The following NHS variants were observed in gnomAD, a reference collection of about 807,000 sequenced individuals.
NHS encodes NHS actin remodeling regulator, also known as actin remodeling regulator NHS.
In NHS, 5 loss-of-function variants were observed where a neutral mutation model predicts 72.5. That is an observed-to-expected ratio of 0.07 (90% confidence interval 0.04 to 0.14). The LOEUF (loss-of-function observed/expected upper bound fraction) is 0.14, where lower values mean the gene tolerates loss of function less well. NHS is among the 10% of genes least tolerant of loss of function. The probability of loss-of-function intolerance (pLI) is 1.00; values close to 1 mark genes in which losing one functional copy is unlikely to be tolerated. For missense variants in NHS, 1,072 were observed against 1,355.7 expected, an observed-to-expected ratio of 0.79 and a Z score of 3.29; for synonymous variants, 464 against 547.7, an observed-to-expected ratio of 0.85 and a Z score of 2.13.
intron 1 of NHS, among the ~76,000 whole-genome samples, chrX:17,564,605 T>C (rs1020875755): frequency 8.9e-6 from 1 of 112,687 alleles, no homozygotes; most frequent in Non-Finnish European, 1.9e-5. Context: ...CCAACCAGGC[T>C]ATTTGTCTTA....
intron 1 of NHS, among the ~76,000 whole-genome samples, chrX:17,454,049 T>C (rs2064816567): frequency 1.8e-5 from 2 of 112,246 alleles, no homozygotes; most frequent in African/African-American, 6.5e-5. Flanking sequence ...GTCTGATTGT[T>C]AATCAGCCCC....
chrX:17,433,760 A>G, intron 1 of NHS, among the ~76,000 whole-genome samples: 1 of 112,237 alleles, frequency 8.9e-6, no homozygotes, highest in East Asian at 2.8e-4. Context: ...AAACAGGAAT[A>G]TGGAGTGGTT....
At chrX:17,605,942 T>C (rs928775763) in intron 1 of NHS, among the ~76,000 whole-genome samples, 1 of 112,007 alleles carries the variant, frequency 8.9e-6, no homozygotes, top group Non-Finnish European at 1.9e-5. Flanking sequence ...ATGACCCAAT[T>C]GTTAAATTGC....
intron 1 of NHS, among the ~76,000 whole-genome samples, chrX:17,491,548 C>T (rs1391213268): frequency 3.6e-5 from 4 of 111,042 alleles, no homozygotes; most frequent in Non-Finnish European, 5.7e-5. Context: ...ATTTTTGCAT[C>T]GATGTTCATC....
rs1052311421 is a variant in NHS, at chrX:17,690,768, A to G, written c.719-1567A>G. On this transcript the variant is annotated intron_variant, in intron 2 of 8. Transcript: ENST00000676302. ...GGGAGGGTTTTGTGGAGGATGTAGC[A>G]TCTACATGTATTTCAAGTTATTTAG... Among the ~76,000 whole-genome samples the G allele has an allele frequency of 9.5e-4, 106 of 111,846 alleles. No individual in the cohort carries two copies. In the Middle Eastern group the frequency reaches 0.014, roughly 14 times the overall value.
intron 3 of NHS, among the ~76,000 whole-genome samples, chrX:17,700,565 A>G (rs1347769151): frequency 1.8e-5 from 2 of 112,364 alleles, no homozygotes; most frequent in East Asian, 5.6e-4. Context: ...CTGGAGAAAC[A>G]AGCACTCTCA....
intron 1 of NHS, among the ~76,000 whole-genome samples, chrX:17,615,089 T>C (rs1328075487): frequency 1.0e-5 from 1 of 99,015 alleles, no homozygotes; most frequent in Non-Finnish European, 2.0e-5. Flanking sequence ...TATATATATG[T>C]GTGTATATAT....
At chrX:17,583,193 G>T (rs1198166079) in intron 1 of NHS, among the ~76,000 whole-genome samples, 1 of 111,938 alleles carries the variant, frequency 8.9e-6, no homozygotes, top group African/African-American at 3.3e-5. Flanking sequence ...AATTCTAGGT[G>T]CAGGAGATAC....
At position 17,733,033 on chromosome X, in the gene NHS, C is replaced by T. The variant is rs1340861985; in HGVS notation, c.*569C>T. On this transcript the variant is annotated 3_prime_UTR_variant, in exon 9 of 9. Coordinates refer to ENST00000676302, the MANE Select transcript of NHS (RefSeq NM_001291867.2). The stretch of plus-strand genomic sequence containing the variant: ...AATACACAAAAATAAAATGTAATAA[C>T]TGTATTCTGTGAATACCATTTTCAT... 2 of 116,980 alleles carry T rather than the reference C, an allele frequency of 1.7e-5. No homozygotes were observed. The highest frequency in any genetic ancestry group is 3.6e-5 in the Non-Finnish European group (2 of 55,610). 9.6% of individuals were successfully genotyped at this position (116,980 alleles called of 1,213,427 possible). A position where few individuals can be genotyped will look rare whatever the true frequency, so the allele number is the denominator to read the frequency against.
intron 1 of NHS, among the ~76,000 whole-genome samples, chrX:17,414,143 C>T (rs2064578517): frequency 8.9e-6 from 1 of 112,436 alleles, no homozygotes; most frequent in African/African-American, 3.2e-5. Flanking sequence ...GGAGGACTGG[C>T]CCAGACAATG....
chrX:17,543,483 C>T (rs2065274962), intron 1 of NHS, among the ~76,000 whole-genome samples: 1 of 112,009 alleles, frequency 8.9e-6, no homozygotes, highest in Admixed American at 9.5e-5. Context: ...GAAGTCAGAA[C>T]ATATTCCAGT....
rs202183497 is a variant in NHS at position 17,606,098 on chromosome X, C to T, written c.566-81644C>T. On this transcript the variant is annotated intron_variant, in intron 1 of 8. Transcript: ENST00000676302. ...GTTGTTTACAAGACATATTAGCTCC[C>T]GTGGGGTATGGGGCTTCTAAGCCAA... is the stretch of plus-strand genomic sequence containing the variant. Among the ~76,000 whole-genome samples, 8 of 112,016 alleles carry T rather than the reference C, an allele frequency of 7.1e-5. No individual in the cohort carries two copies. In the East Asian group the frequency reaches 1.1e-3, roughly 16 times the overall value.
In NHS at chrX:17,731,940, AGC is replaced by A. The variant is rs1220381758; in HGVS notation, c.4433_4434del (p.Ser1478LysfsTer12). ...SKSRAPLSSS[S>X]SSASSITSPS... ...ATCGAGAGCTCCCCTCAGCAGTAGC[AGC>A]AGCAGCGCCAGTTCCATCACTTCAC... On this transcript the variant is annotated frameshift_variant, in exon 9 of 9. Coordinates refer to ENST00000676302, the MANE Select transcript of NHS (RefSeq NM_001291867.2). LOFTEE classifies it high-confidence loss of function. The A allele has an allele frequency of 1.5e-5, 18 of 1,209,845 alleles. No individual in the cohort carries two copies. The highest frequency in any genetic ancestry group is 8.7e-5 in the Admixed American group (4 of 45,770).
chrX:17,706,332 A>G (rs2066295601), intron 3 of NHS, among the ~76,000 whole-genome samples: 1 of 112,203 alleles, frequency 8.9e-6, no homozygotes, highest in Non-Finnish European at 1.9e-5. Context: ...TAAGGTCAAT[A>G]GATTAGTTAA....
At chrX:17,623,592 C>T (rs2065784829) in intron 1 of NHS, among the ~76,000 whole-genome samples, 1 of 111,285 alleles carries the variant, frequency 9.0e-6, no homozygotes, top group South Asian at 3.9e-4. Flanking sequence ...CACAATCTTC[C>T]CCCAGAGACC....
chrX:17,601,647 T>G (rs1397665221), intron 1 of NHS, among the ~76,000 whole-genome samples: 2 of 111,895 alleles, frequency 1.8e-5, no homozygotes, highest in Non-Finnish European at 3.8e-5. Flanking sequence ...GGAAATCTTG[T>G]GTGGAAATTC....
At chrX:17,687,649 A>C in intron 1 of NHS, 93 bp from the exon 2 acceptor site, 1 of 1,025,674 alleles carries the variant, frequency 9.7e-7, no homozygotes, top group Non-Finnish European at 1.4e-6. Context: ...CACTCCACCC[A>C]GACTTTACTC....
At chrX:17,554,418 G>A (rs933266500) in intron 1 of NHS, among the ~76,000 whole-genome samples, 25 of 112,212 alleles carry the variant, frequency 2.2e-4, no homozygotes, top group Middle Eastern at 4.6e-3. Context: ...GGGGGGACAC[G>A]GGTCATGAGG....
chrX:17,597,638 G>C (rs143199213), intron 1 of NHS, among the ~76,000 whole-genome samples: 2,608 of 110,340 alleles, frequency 0.024, 78 homozygotes, highest in African/African-American at 0.082. Flanking sequence ...GATAAAAATT[G>C]TTCTCATTTG....
Sources: gnomAD v4.1 joint callset for allele counts (sites outside exome capture counted in the v4.1 genomes callset) on GRCh38, gnomAD v4.1.1 for gene constraint, MANE v1.5 for transcripts, NCBI Gene and HGNC (gene_info 2026-07-23, HGNC 2026-07-21) for gene names.